Variants in NLGN1 observed in about 807,000 individuals in gnomAD.
NLGN1 encodes neuroligin-1.
NLGN1 carries 12 observed loss-of-function variants against 65.5 expected under a neutral mutation model. That is an observed-to-expected ratio of 0.18 (90% CI 0.12 to 0.30). NLGN1 has a LOEUF of 0.30. NLGN1 is among the 10% of genes least tolerant of loss of function. The pLI is 1.00. For synonymous variants in NLGN1, 350 were observed against 359.5 expected (o/e 0.97, Z 0.30); for missense variants, 750 against 1,007.1 (o/e 0.74, Z 3.46).
chr3:173,739,662 GA>G (rs955744441), intron 3 of NLGN1, among the ~76,000 whole-genome samples: 2 of 151,508 alleles, frequency 1.3e-5, no homozygotes, highest in East Asian at 1.9e-4. Flanking sequence ...AAGGGCAGAG[GA>G]AAAAAAATGA....
intron 4 of NLGN1, among the ~76,000 whole-genome samples, chr3:174,128,770 G>A (rs1274620601): frequency 6.6e-6 from 1 of 152,024 alleles, no homozygotes; most frequent in African/African-American, 2.4e-5. Context: ...AGGAAGGCTG[G>A]GTTCTTTAGA....
intron 4 of NLGN1, among the ~76,000 whole-genome samples, chr3:173,872,954 A>G (rs1731437309): frequency 6.6e-6 from 1 of 152,070 alleles, no homozygotes; most frequent in Non-Finnish European, 1.5e-5. Flanking sequence ...ATGTGAAACG[A>G]TCTTAGAGTT....
intron 4 of NLGN1, among the ~76,000 whole-genome samples, chr3:174,149,511 A>G (rs1353445668): frequency 1.3e-5 from 2 of 152,108 alleles, no homozygotes; most frequent in Non-Finnish European, 2.9e-5. Context: ...TCTAATGTTT[A>G]TGCTTTGTTC....
chr3:173,796,458 G>A (rs901026576), intron 3 of NLGN1, among the ~76,000 whole-genome samples: 3 of 152,116 alleles, frequency 2.0e-5, no homozygotes, highest in African/African-American at 7.2e-5. Flanking sequence ...TGAGTTCAAA[G>A]TTCATGTTAG....
At chr3:173,437,642 G>C (rs982744945) in intron 2 of NLGN1, among the ~76,000 whole-genome samples, 26 of 152,188 alleles carry the variant, frequency 1.7e-4, no homozygotes, top group African/African-American at 6.3e-4. Flanking sequence ...ACCAACTTTT[G>C]ATTTTCTTTA....
intron 4 of NLGN1, among the ~76,000 whole-genome samples, chr3:173,909,035 G>A (rs1739028722): frequency 6.6e-6 from 1 of 152,046 alleles, no homozygotes; most frequent in Non-Finnish European, 1.5e-5. Flanking sequence ...CAGTGAGGTG[G>A]AAAAATGGAT....
At chr3:174,192,936 T>C (rs1273831205) in intron 4 of NLGN1, among the ~76,000 whole-genome samples, 2 of 152,070 alleles carry the variant, frequency 1.3e-5, no homozygotes, top group Non-Finnish European at 2.9e-5. Context: ...TGTTTTGTTT[T>C]TTAATGTCGT....
At chr3:173,604,805 C>A in exon 3 of NLGN1, 1 of 1,613,712 alleles carries the variant, frequency 6.2e-7, no homozygotes, top group Non-Finnish European at 8.5e-7. Context: ...AGAAGGAACT[C>A]AATAATGAAA....
chr3:174,238,362 T>C (rs1409334035), intron 4 of NLGN1, among the ~76,000 whole-genome samples: 1 of 120,180 alleles, frequency 8.3e-6, no homozygotes, highest in Non-Finnish European at 1.6e-5. Flanking sequence ...ATGAAGTTCT[T>C]TTTTTTTTGT....
intron 4 of NLGN1, among the ~76,000 whole-genome samples, chr3:174,015,124 A>G (rs563157751): frequency 6.6e-6 from 1 of 152,304 alleles, no homozygotes; most frequent in South Asian, 2.1e-4. Context: ...TTGTTCTTAT[A>G]GAATTTATGA....
chr3:173,425,323 C>CT (rs1715896079), intron 1 of NLGN1, among the ~76,000 whole-genome samples: 1 of 151,250 alleles, frequency 6.6e-6, no homozygotes, highest in Non-Finnish European at 1.5e-5. Flanking sequence ...CCTCTTCACT[C>CT]TATTGGTTTT....
chr3:173,655,803 G>GT (rs1759927794), intron 3 of NLGN1, among the ~76,000 whole-genome samples: 1 of 151,886 alleles, frequency 6.6e-6, no homozygotes, highest in South Asian at 2.1e-4. Context: ...GTATGAGAGC[G>GT]TGAGGTTCTC....
At chr3:173,404,162 T>C (rs1718196002) in intron 1 of NLGN1, among the ~76,000 whole-genome samples, 2 of 152,166 alleles carry the variant, frequency 1.3e-5, no homozygotes, top group Admixed American at 6.5e-5. Context: ...GTGTCTCAAC[T>C]TTTTTTCCCT....
chr3:173,639,854 C>T (rs1056867124), intron 3 of NLGN1, among the ~76,000 whole-genome samples: 1 of 152,062 alleles, frequency 6.6e-6, no homozygotes, highest in African/African-American at 2.4e-5. Context: ...TTTGTGGAGT[C>T]TTCTTCCTTC....
chr3:174,261,817 G>A lies in NLGN1; in HGVS notation c.647-13498G>A, dbSNP rs1457370540. Among the ~76,000 whole-genome samples the A allele has an allele frequency of 6.0e-5, 9 of 149,542 alleles. No homozygotes were observed. The East Asian group carries it at 6.1e-4, about 10-fold the overall frequency. ...CCCATTCAGTATGATATTGGCTGTG[G>A]GGTTGTCATAGATAGCTCTTATTAT... On this transcript the variant is annotated intron_variant, in intron 4 of 6. Transcript: ENST00000457714.
At chr3:173,670,782 A>G (rs924963530) in intron 3 of NLGN1, among the ~76,000 whole-genome samples, 6 of 152,184 alleles carry the variant, frequency 3.9e-5, no homozygotes, top group Non-Finnish European at 8.8e-5. Context: ...GCATAAAACG[A>G]TGTTTATCAT....
intron 2 of NLGN1, among the ~76,000 whole-genome samples, chr3:173,566,510 G>A (rs1485411163): frequency 6.6e-6 from 1 of 151,656 alleles, no homozygotes; most frequent in African/African-American, 2.4e-5. Flanking sequence ...AATAAATTTG[G>A]AAAAAAAATA....
intron 2 of NLGN1, among the ~76,000 whole-genome samples, chr3:173,529,352 T>C (rs1736168341): frequency 6.6e-6 from 1 of 152,100 alleles, no homozygotes; most frequent in Non-Finnish European, 1.5e-5. Flanking sequence ...TGTTGTTTCA[T>C]GTGATGGGCT....
rs1418437545 is a variant in NLGN1 at position 174,222,803 on chromosome 3, C to T, written c.647-52512C>T. On this transcript the variant is annotated intron_variant, in intron 4 of 6. Coordinates refer to ENST00000457714, the Ensembl canonical transcript of NLGN1. ...CTCATTTATTTCATTTGTTTCTCCC[C>T]AGGTGTTGATTAGACCATTCCAGTT... Among the ~76,000 whole-genome samples the T allele has an allele frequency of 2.6e-5, 4 of 152,086 alleles. No individual in the cohort carries two copies. The East Asian group carries it at 5.8e-4, about 22-fold the overall frequency.
Sources: gnomAD v4.1 joint callset for allele counts (sites outside exome capture counted in the v4.1 genomes callset) on GRCh38, gnomAD v4.1.1 for gene constraint, MANE v1.5 for transcripts, NCBI Gene and HGNC (gene_info 2026-07-23, HGNC 2026-07-21) for gene names.